OPN5: variants seen among roughly 807,000 people sequenced by gnomAD.
OPN5 encodes opsin-5.
A neutral mutation model predicts 41.7 loss-of-function variants in OPN5; 18 were observed. The ratio of observed to expected loss-of-function variants is 0.43; its 90% CI spans 0.30 to 0.64. The LOEUF (loss-of-function observed/expected upper bound fraction) is 0.64. Ranked by LOEUF, OPN5 falls within the 30% of genes least tolerant of loss-of-function variation. OPN5 has a pLI of 0.13. For synonymous variants in OPN5, 178 were observed against 164.3 expected, an observed-to-expected ratio of 1.08 and a Z score of -0.64; for missense variants, 318 against 434.5, an observed-to-expected ratio of 0.73 and a Z score of 2.38.
chr6:47,805,442 G>A (rs2113981117), intron 4 of OPN5, among the ~76,000 whole-genome samples: 1 of 152,170 alleles, frequency 6.6e-6, no homozygotes, highest in South Asian at 2.1e-4. Flanking sequence ...GTGTGTGTGT[G>A]TGTGCTGCAG....
At chr6:47,788,004 T>C (rs367579996) in intron 2 of OPN5, among the ~76,000 whole-genome samples, 34 of 152,334 alleles carry the variant, frequency 2.2e-4, no homozygotes, top group African/African-American at 7.7e-4. Context: ...AGTCACTCTT[T>C]AGCACACAGC....
chr6:47,795,941 C>G (rs558450826), intron 4 of OPN5, among the ~76,000 whole-genome samples: 18 of 152,254 alleles, frequency 1.2e-4, no homozygotes, highest in African/African-American at 4.3e-4. Context: ...TACAATGCCT[C>G]ACAGTATTTT....
rs1197787550 is a variant in OPN5, at chr6:47,795,708, CT to C, written c.756+148del. 4 of 622,238 alleles carry C rather than the reference CT, an allele frequency of 6.4e-6. No homozygotes were observed. The Admixed American group carries it at 8.7e-5, about 14-fold the overall frequency. 38.5% of individuals were successfully genotyped at this position (622,238 alleles called of 1,614,324 possible). Reference sequence around the variant, plus strand: ...GAACTTCGTTGATGATTGTCTAAGCCTTTCTTTGTGGTATCTCTCTCCTCTT... The same window carrying C: ...GAACTTCGTTGATGATTGTCTAAGCCTTCTTTGTGGTATCTCTCTCCTCTT... On this transcript the variant is annotated intron_variant, in intron 4 of 6. Transcript: ENST00000371211.
exon 7 of OPN5, chr6:47,824,669 C>A (rs543824235): frequency 6.6e-6 from 1 of 152,274 alleles, no homozygotes; most frequent in East Asian, 1.9e-4. Context: ...CTGCAGGTTC[C>A]CAGATGTGAG....
chr6:47,824,589 G>C (rs1762737297), exon 7 of OPN5: 1 of 152,546 alleles, frequency 6.6e-6, no homozygotes, highest in Admixed American at 6.5e-5. Context: ...TTTCAGTGAG[G>C]AGAGTGTGGG....
chr6:47,790,823 A>G (rs1773347224), intron 2 of OPN5, among the ~76,000 whole-genome samples: 1 of 152,164 alleles, frequency 6.6e-6, no homozygotes, highest in Non-Finnish European at 1.5e-5. Flanking sequence ...TCTCTGATAT[A>G]TAACCTCTCT....
chr6:47,806,594 G>C (rs1469780593), intron 4 of OPN5, among the ~76,000 whole-genome samples: 4 of 152,018 alleles, frequency 2.6e-5, no homozygotes, highest in African/African-American at 9.7e-5. Flanking sequence ...TACTCTACAG[G>C]CTAATCCTCC....
At chr6:47,802,664 TC>T (rs1474513103) in intron 4 of OPN5, among the ~76,000 whole-genome samples, 1 of 152,148 alleles carries the variant, frequency 6.6e-6, no homozygotes, top group Admixed American at 6.5e-5. Flanking sequence ...AAGCCGCACA[TC>T]CCCACTTCAA....
At chr6:47,814,222 T>G (rs2113999385) in intron 6 of OPN5, among the ~76,000 whole-genome samples, 1 of 151,906 alleles carries the variant, frequency 6.6e-6, no homozygotes, top group South Asian at 2.1e-4. Flanking sequence ...GGATGACAGA[T>G]GGCGGTGGAG....
intron 1 of OPN5, among the ~76,000 whole-genome samples, chr6:47,784,788 G>A (rs6941544): frequency 0.82 from 124,638 of 152,162 alleles, 51,210 homozygotes; most frequent in East Asian, 0.93. Context: ...TGTAAATACT[G>A]AGTTTATTAA....
exon 4 of OPN5, chr6:47,795,431 C>T (rs1274876236): frequency 6.2e-7 from 1 of 1,614,142 alleles, no homozygotes. Context: ...TCTTCTGCCT[C>T]TTGCTCCCAA....
At chr6:47,806,280 G>T (rs1561899755) in intron 4 of OPN5, among the ~76,000 whole-genome samples, 2 of 152,144 alleles carry the variant, frequency 1.3e-5, no homozygotes, top group East Asian at 1.9e-4. Context: ...AGATAACATT[G>T]TGTAAGGATA....
intron 6 of OPN5, among the ~76,000 whole-genome samples, chr6:47,817,331 C>T (rs1274440025): frequency 6.6e-6 from 1 of 152,070 alleles, no homozygotes; most frequent in African/African-American, 2.4e-5. Flanking sequence ...CAGGCAGAAA[C>T]AGAAATTCTC....
At chr6:47,788,558 A>AT (rs1399460051) in intron 2 of OPN5, among the ~76,000 whole-genome samples, 4 of 151,894 alleles carry the variant, frequency 2.6e-5, no homozygotes, top group Admixed American at 2.0e-4. Context: ...AACCCAGATC[A>AT]TTTTTTTCAA....
rs183923559 is a variant in OPN5 at position 47,796,991 on chromosome 6, G to A, written c.756+1428G>A. On this transcript the variant is annotated intron_variant, in intron 4 of 6. Coordinates refer to ENST00000371211, the Ensembl canonical transcript of OPN5. ...GGTGGCAGGCAAGAGAGCATGTGCA[G>A]GGGAACTCCCTTTTATAGAACCATC... Among the ~76,000 whole-genome samples, 9 of 152,304 alleles carry A rather than the reference G, an allele frequency of 5.9e-5. No individual in the cohort carries two copies. In the East Asian group the frequency reaches 1.7e-3, roughly 29 times the overall value.
intron 4 of OPN5, among the ~76,000 whole-genome samples, chr6:47,800,111 TTAAA>T (rs1441771657): frequency 6.6e-6 from 1 of 152,172 alleles, no homozygotes; most frequent in Non-Finnish European, 1.5e-5. Context: ...TTGCTACTGA[TTAAA>T]TAAGGGGAAT....
intron 4 of OPN5, among the ~76,000 whole-genome samples, chr6:47,802,812 C>T (rs1773826170): frequency 6.6e-6 from 1 of 152,164 alleles, no homozygotes; most frequent in Non-Finnish European, 1.5e-5. Flanking sequence ...ACCAAAACCC[C>T]AAAACACAGA....
intron 4 of OPN5, among the ~76,000 whole-genome samples, chr6:47,802,740 A>T (rs1773823484): frequency 1.3e-5 from 2 of 152,180 alleles, no homozygotes; most frequent in South Asian, 4.1e-4. Flanking sequence ...GATACTTGTA[A>T]GTTATTTTCT....
chr6:47,817,343 T>A (rs1325817681), intron 6 of OPN5, among the ~76,000 whole-genome samples: 1 of 152,156 alleles, frequency 6.6e-6, no homozygotes, highest in Non-Finnish European at 1.5e-5. Context: ...GAAATTCTCA[T>A]TGAGGTTCAT....
Sources: gnomAD v4.1 joint callset for allele counts (sites outside exome capture counted in the v4.1 genomes callset) on GRCh38, gnomAD v4.1.1 for gene constraint, MANE v1.5 for transcripts, NCBI Gene and HGNC (gene_info 2026-07-23, HGNC 2026-07-21) for gene names.